The following TLL1 variants were observed in gnomAD, a reference collection of about 807,000 sequenced individuals.
The protein encoded by TLL1 is tolloid-like protein 1.
In TLL1, 49 loss-of-function variants were observed where a neutral mutation model predicts 128.2. That is an observed-to-expected ratio of 0.38 (90% CI 0.30 to 0.48). TLL1 has a LOEUF of 0.48. Ranked by LOEUF, TLL1 falls within the 20% of genes least tolerant of loss-of-function variation. The probability of loss-of-function intolerance (pLI) is 0.96; values close to 1 mark genes in which losing one functional copy is unlikely to be tolerated. For synonymous variants in TLL1, 454 were observed against 418.8 expected, an observed-to-expected ratio of 1.08 and a Z score of -1.03; for missense variants, 1,123 against 1,242.0, an observed-to-expected ratio of 0.90 and a Z score of 1.44.
At chr4:165,959,144 A>C (rs1389238284) in intron 1 of TLL1, among the ~76,000 whole-genome samples, 1 of 151,784 alleles carries the variant, frequency 6.6e-6, no homozygotes, top group Non-Finnish European at 1.5e-5. Context: ...GTCAGGTAGC[A>C]TGATGCCTCC....
chr4:166,041,346 G>T (rs1269934384), intron 10 of TLL1, among the ~76,000 whole-genome samples: 1 of 150,108 alleles, frequency 6.7e-6, no homozygotes, highest in African/African-American at 2.5e-5. Flanking sequence ...CTGTCGCCAG[G>T]CTGGAGTGCA....
At chr4:166,027,174 T>G (rs1048232093) in intron 9 of TLL1, among the ~76,000 whole-genome samples, 1 of 152,032 alleles carries the variant, frequency 6.6e-6, no homozygotes, top group African/African-American at 2.4e-5. Context: ...CATTTATAAG[T>G]GGGAGCTAAA....
intron 1 of TLL1, among the ~76,000 whole-genome samples, chr4:165,956,868 G>T (rs1018009043): frequency 1.3e-5 from 2 of 151,932 alleles, no homozygotes; most frequent in Non-Finnish European, 2.9e-5. Context: ...TCTGTTTGGG[G>T]TCCCTGACTT....
At chr4:166,023,755 T>TAGCATG (rs1738355823) in intron 8 of TLL1, among the ~76,000 whole-genome samples, 1 of 152,224 alleles carries the variant, frequency 6.6e-6, no homozygotes, top group African/African-American at 2.4e-5. Context: ...TGTATTTATC[T>TAGCATG]TCTTAATCAG....
chr4:166,082,423 C>G (rs1018734003), intron 18 of TLL1, among the ~76,000 whole-genome samples: 1 of 152,022 alleles, frequency 6.6e-6, no homozygotes, highest in Non-Finnish European at 1.5e-5. Flanking sequence ...TGTGTTTCCC[C>G]GATTGACTTT....
chr4:165,964,864 G>T (rs2110966715), intron 1 of TLL1, among the ~76,000 whole-genome samples: 1 of 152,202 alleles, frequency 6.6e-6, no homozygotes, highest in Non-Finnish European at 1.5e-5. Flanking sequence ...TTAAGCCCAG[G>T]TGTTAGAGGT....
intron 1 of TLL1, among the ~76,000 whole-genome samples, chr4:165,892,571 T>G (rs976456900): frequency 6.6e-6 from 1 of 152,194 alleles, no homozygotes; most frequent in Non-Finnish European, 1.5e-5. Flanking sequence ...TAAGCATTGA[T>G]CCCTTTATGC....
chr4:165,920,023 A>C (rs1252794525), intron 1 of TLL1: 1 of 260,200 alleles, frequency 3.8e-6, no homozygotes, highest in East Asian at 1.2e-4. Context: ...AGCTATTTCC[A>C]ATGTGTTTTA....
At chr4:165,994,773 TATTAA>T (rs1461894862) in intron 4 of TLL1, among the ~76,000 whole-genome samples, 1 of 152,192 alleles carries the variant, frequency 6.6e-6, no homozygotes, top group African/African-American at 2.4e-5. Context: ...CAGATGTGCC[TATTAA>T]ATTTGGAAGC....
intron 19 of TLL1, among the ~76,000 whole-genome samples, chr4:166,095,748 T>C (rs1485429430): frequency 3.3e-5 from 5 of 152,134 alleles, no homozygotes; most frequent in African/African-American, 1.2e-4. Context: ...CACCCTAGGC[T>C]TCTCTTCCCT....
chr4:165,887,665 A>G (rs895744610), intron 1 of TLL1, among the ~76,000 whole-genome samples: 1 of 152,148 alleles, frequency 6.6e-6, no homozygotes, highest in African/African-American at 2.4e-5. Context: ...TGGACTTTGT[A>G]TGCCATATTA....
At chr4:165,997,783 C>T (rs571590752) in intron 5 of TLL1, among the ~76,000 whole-genome samples, 1 of 152,242 alleles carries the variant, frequency 6.6e-6, no homozygotes, top group East Asian at 1.9e-4. Flanking sequence ...GCATTTCCTC[C>T]TTAAATTGTA....
At chr4:165,994,986 T>C in intron 4 of TLL1, 75 bp from the exon 5 acceptor site, 1 of 1,214,864 alleles carries the variant, frequency 8.2e-7, no homozygotes, top group Non-Finnish European at 1.2e-6. Flanking sequence ...CAGCCAGACT[T>C]AGGGTAGAGG....
At chr4:166,022,606 G>A (rs1199659142) in intron 8 of TLL1, among the ~76,000 whole-genome samples, 1 of 152,172 alleles carries the variant, frequency 6.6e-6, no homozygotes, top group African/African-American at 2.4e-5. Flanking sequence ...TTCAACCTTT[G>A]AGATATGATG....
intron 1 of TLL1, among the ~76,000 whole-genome samples, chr4:165,967,062 A>G (rs1047884214): frequency 1.3e-5 from 2 of 152,118 alleles, no homozygotes; most frequent in Non-Finnish European, 2.9e-5. Flanking sequence ...ACTTCCCCCT[A>G]GGAATGCATT....
chr4:166,045,528 A>G (rs959704745), intron 12 of TLL1, among the ~76,000 whole-genome samples: 2 of 151,942 alleles, frequency 1.3e-5, no homozygotes, highest in Non-Finnish European at 2.9e-5. Context: ...CACAGGAAGA[A>G]CCTCAGGTCT....
At chr4:166,097,794 T>G (rs1247340854) in intron 19 of TLL1, among the ~76,000 whole-genome samples, 4 of 152,036 alleles carry the variant, frequency 2.6e-5, no homozygotes, top group African/African-American at 9.7e-5. Flanking sequence ...TATCCAGTGG[T>G]TTTGCTTCTC....
chr4:165,974,030 T>G (rs1735753095), intron 1 of TLL1, among the ~76,000 whole-genome samples: 1 of 151,528 alleles, frequency 6.6e-6, no homozygotes, highest in Non-Finnish European at 1.5e-5. Context: ...TCATCCCATG[T>G]GTCTGGGTTT....
At chr4:166,023,731 T>C (rs998422005) in intron 8 of TLL1, among the ~76,000 whole-genome samples, 6 of 152,198 alleles carry the variant, frequency 3.9e-5, no homozygotes, top group Admixed American at 3.3e-4. Context: ...GTGTATGTTG[T>C]ATTTTGTTTA....
Sources: gnomAD v4.1 joint callset for allele counts (sites outside exome capture counted in the v4.1 genomes callset) on GRCh38, gnomAD v4.1.1 for gene constraint, MANE v1.5 for transcripts, NCBI Gene and HGNC (gene_info 2026-07-23, HGNC 2026-07-21) for gene names.